KCNN3: variants seen among roughly 807,000 people sequenced by gnomAD.
KCNN3 encodes the protein small conductance calcium-activated potassium channel protein 3.
KCNN3 carries 16 observed loss-of-function variants against 62.9 expected under a neutral mutation model. That is an observed-to-expected ratio of 0.25 (90% CI 0.17 to 0.39). The LOEUF (loss-of-function observed/expected upper bound fraction) is 0.39. Among genes scored for constraint, KCNN3 ranks in the 10% least tolerant of loss-of-function variants. The probability of loss-of-function intolerance (pLI) is 1.00; values close to 1 mark genes in which losing one functional copy is unlikely to be tolerated. For synonymous variants in KCNN3, 370 were observed against 389.2 expected, an observed-to-expected ratio of 0.95 and a Z score of 0.58; for missense variants, 599 against 949.4, an observed-to-expected ratio of 0.63 and a Z score of 4.85.
chr1:154,773,633 C>T (rs552872576), intron 2 of KCNN3, among the ~76,000 whole-genome samples: 2 of 152,316 alleles, frequency 1.3e-5, no homozygotes, highest in Admixed American at 6.5e-5. Context: ...TGGAGAATTG[C>T]TTGGTGTGTG....
At chr1:154,861,087 T>C (rs2101934112) in intron 1 of KCNN3, among the ~76,000 whole-genome samples, 1 of 151,738 alleles carries the variant, frequency 6.6e-6, no homozygotes, top group African/African-American at 2.4e-5. Context: ...CCCAAGGAGC[T>C]GGGATAACAG....
Position 154,702,060 on chromosome 1 carries a change from T to C in KCNN3, c.*5916A>G, listed in dbSNP as rs1221740494. The C allele has an allele frequency of 1.3e-5, 2 of 152,152 alleles. No homozygotes were observed. Among genetic ancestry groups the C allele is most frequent in the Non-Finnish European group, 2.9e-5 (2 of 68,022 alleles). The allele number at this position is 152,152 out of a possible 1,614,324, so 9.4% of individuals were successfully genotyped here. On this transcript the variant is annotated 3_prime_UTR_variant, in exon 8 of 8. Transcript: ENST00000271915. ...ATGGCTTTTAAAATCTCTTCTGAAA[T>C]GGCTTGATAGAATTTAGGGTAGAAT...
intron 3 of KCNN3, among the ~76,000 whole-genome samples, chr1:154,758,827 A>T (rs201590579): frequency 3.8e-5 from 3 of 79,866 alleles, no homozygotes; most frequent in African/African-American, 1.1e-4. Flanking sequence ...TTTGTTTTTG[A>T]GATGGAGTCT....
intron 3 of KCNN3, chr1:154,737,211 G>A (rs1039429811): frequency 2.4e-5 from 7 of 293,220 alleles, no homozygotes; most frequent in East Asian, 8.5e-5. Flanking sequence ...AAATTTGGGG[G>A]GGGGGGATAG....
chr1:154,805,237 GAC>G (rs1204000643), intron 2 of KCNN3, among the ~76,000 whole-genome samples: 3 of 152,168 alleles, frequency 2.0e-5, no homozygotes, highest in African/African-American at 7.2e-5. Context: ...TCAGACTATG[GAC>G]ACAATTGTCA....
At chr1:154,819,687 C>T (rs1571307890) in intron 2 of KCNN3, among the ~76,000 whole-genome samples, 1 of 152,086 alleles carries the variant, frequency 6.6e-6, no homozygotes, top group Non-Finnish European at 1.5e-5. Context: ...CCTCAAGTGA[C>T]GGAGGCTGCA....
chr1:154,763,293 G>A (rs923460570), intron 3 of KCNN3, among the ~76,000 whole-genome samples: 1 of 151,956 alleles, frequency 6.6e-6, no homozygotes, highest in Admixed American at 6.6e-5. Flanking sequence ...CTTTGCCTTT[G>A]TTATAAACTT....
intron 3 of KCNN3, among the ~76,000 whole-genome samples, chr1:154,768,900 A>T (rs190451376): frequency 6.6e-6 from 1 of 152,030 alleles, no homozygotes; most frequent in Non-Finnish European, 1.5e-5. Context: ...TGGCCTTAAG[A>T]CTCTGAGATT....
In KCNN3 at chr1:154,773,645, G is replaced by C. The variant is rs1287816625; in HGVS notation, c.1030-1252C>G. 2.6e-5 allele frequency among the ~76,000 whole-genome samples: 4 copies of C among 152,210 alleles called. No individual in the cohort carries two copies. The South Asian group carries it at 8.3e-4, about 32-fold the overall frequency. ...CATTGGAGAATTGCTTGGTGTGTGGGAACCACCCCCTCCTTTTTGCTGACC... is the reference window on the plus strand; with the variant it reads ...CATTGGAGAATTGCTTGGTGTGTGGCAACCACCCCCTCCTTTTTGCTGACC... On this transcript the variant is annotated intron_variant, in intron 2 of 7. Transcript: ENST00000271915.
chr1:154,853,125 G>A (rs1451056887), intron 1 of KCNN3, among the ~76,000 whole-genome samples: 2 of 151,538 alleles, frequency 1.3e-5, no homozygotes, highest in African/African-American at 4.9e-5. Flanking sequence ...AAGTAGCTAG[G>A]ACTACAGGTG....
intron 1 of KCNN3, among the ~76,000 whole-genome samples, chr1:154,859,429 C>A (rs767384049): frequency 2.0e-5 from 3 of 152,234 alleles, no homozygotes; most frequent in African/African-American, 4.8e-5. Flanking sequence ...CAAGTGTCAT[C>A]CTCCCCAGGT....
chr1:154,810,377 C>A (rs1433647431), intron 2 of KCNN3, among the ~76,000 whole-genome samples: 1 of 152,120 alleles, frequency 6.6e-6, no homozygotes, highest in Non-Finnish European at 1.5e-5. Context: ...AGAAGTCAGC[C>A]CCTCAGAAGG....
At chr1:154,854,749 G>A (rs754971200) in intron 1 of KCNN3, among the ~76,000 whole-genome samples, 1 of 152,174 alleles carries the variant, frequency 6.6e-6, no homozygotes, top group Non-Finnish European at 1.5e-5. Context: ...CCAGGCTAAC[G>A]TGTGTTTGTG....
At chr1:154,714,385 GGGGT>G (rs1700171643) in intron 6 of KCNN3, among the ~76,000 whole-genome samples, 1 of 143,690 alleles carries the variant, frequency 7.0e-6, no homozygotes, top group South Asian at 2.3e-4. Context: ...AGGTGTGTGT[GGGGT>G]GTGTGTGTGT....
Position 154,707,681 on chromosome 1 carries a change from A to C in KCNN3, c.*295T>G. 3.1e-6 allele frequency: 1 copy of C among 325,210 alleles called. No homozygotes were observed. The highest frequency in any genetic ancestry group is 5.7e-6 in the Non-Finnish European group (1 of 176,600). 20.1% of individuals were successfully genotyped at this position (325,210 alleles called of 1,614,324 possible). A position where few individuals can be genotyped will look rare whatever the true frequency, so the allele number is the denominator to read the frequency against. ...CCCACCCCCCGCGTGAAGACCTGAG[A>C]TTGAGCGTGGATTTCTGTTCTCCAC... On this transcript the variant is annotated 3_prime_UTR_variant, in exon 8 of 8. Coordinates refer to ENST00000271915, the MANE Select transcript of KCNN3 (RefSeq NM_002249.6).
intron 3 of KCNN3, among the ~76,000 whole-genome samples, chr1:154,758,276 C>T (rs970221680): frequency 7.9e-5 from 12 of 152,148 alleles, no homozygotes; most frequent in Admixed American, 2.6e-4. Context: ...GGGGTCAAAC[C>T]GAGTTTTTCC....
intron 1 of KCNN3, among the ~76,000 whole-genome samples, chr1:154,840,016 AG>A (rs1651762171): frequency 1.3e-5 from 2 of 152,224 alleles, no homozygotes; most frequent in South Asian, 4.1e-4. Context: ...CTGGGAACCT[AG>A]CAGGAAAGGC....
At chr1:154,763,392 G>A (rs1648111891) in intron 3 of KCNN3, among the ~76,000 whole-genome samples, 1 of 151,740 alleles carries the variant, frequency 6.6e-6, no homozygotes, top group Admixed American at 6.6e-5. Context: ...ATTAAAAATG[G>A]GGTCTCCCTA....
intron 2 of KCNN3, among the ~76,000 whole-genome samples, chr1:154,786,707 G>A (rs898315539): frequency 1.3e-5 from 2 of 152,150 alleles, no homozygotes; most frequent in African/African-American, 4.8e-5. Flanking sequence ...TGTTAACACT[G>A]GTACTACTGG....
Sources: gnomAD v4.1 joint callset for allele counts (sites outside exome capture counted in the v4.1 genomes callset) on GRCh38, gnomAD v4.1.1 for gene constraint, MANE v1.5 for transcripts, NCBI Gene and HGNC (gene_info 2026-07-23, HGNC 2026-07-21) for gene names.